EPB41L2: variants seen among roughly 807,000 people sequenced by gnomAD.
EPB41L2 encodes the protein erythrocyte membrane protein band 4.1 like 2, also known as band 4.1-like protein 2.
Under a neutral mutation model 113.0 loss-of-function variants are expected in EPB41L2, and 43 were observed. The observed-to-expected ratio is 0.38, with a 90% confidence interval of 0.30 to 0.49. The LOEUF is 0.49. EPB41L2 is among the 20% of genes least tolerant of loss of function. The pLI is 0.95. For synonymous variants in EPB41L2, 442 were observed against 436.7 expected (o/e 1.01, Z -0.15); for missense variants, 1,147 against 1,223.4 (o/e 0.94, Z 0.93).
rs1490075961 is a variant in EPB41L2, at chr6:130,956,490, A to G, written c.-5T>C. On this transcript the variant is annotated 5_prime_UTR_variant, in exon 2 of 20. Coordinates refer to ENST00000337057, the MANE Select transcript of EPB41L2 (RefSeq NM_001431.4). ...AGAGCCTACTTCAGTAGTCATGGCCACAGCTTATGCTGTAATCAAAACAAA... is the reference window on the plus strand; with the variant it reads ...AGAGCCTACTTCAGTAGTCATGGCCGCAGCTTATGCTGTAATCAAAACAAA... 1 of 1,608,304 alleles carries G rather than the reference A, an allele frequency of 6.2e-7. No individual in the cohort carries two copies. Among genetic ancestry groups the G allele is most frequent in the African/African-American group, 1.3e-5 (1 of 74,600 alleles).
At chr6:130,971,584 C>T (rs1369342249) in intron 1 of EPB41L2, among the ~76,000 whole-genome samples, 1 of 152,190 alleles carries the variant, frequency 6.6e-6, no homozygotes, top group Admixed American at 6.5e-5. Flanking sequence ...AGCCACTGGG[C>T]AAATGGATAA....
chr6:131,057,058 T>C (rs1249713283), intron 1 of EPB41L2, among the ~76,000 whole-genome samples: 1 of 151,572 alleles, frequency 6.6e-6, no homozygotes, highest in Non-Finnish European at 1.5e-5. Context: ...TGCAATAGGG[T>C]GAAAAAATTA....
chr6:130,870,279 G>A (rs954246754), intron 14 of EPB41L2, 153 bp from the exon 15 acceptor site: 2 of 1,545,668 alleles, frequency 1.3e-6, no homozygotes, highest in Admixed American at 2.0e-5. Flanking sequence ...AAACGTGAGG[G>A]CAATGAGAAA....
At chr6:131,033,046 T>C (rs1792536777) in intron 1 of EPB41L2, among the ~76,000 whole-genome samples, 1 of 152,062 alleles carries the variant, frequency 6.6e-6, no homozygotes, top group Non-Finnish European at 1.5e-5. Flanking sequence ...TGGCTAATTT[T>C]TGTAGTTTTA....
At chr6:131,012,079 C>T (rs1328421330) in intron 1 of EPB41L2, among the ~76,000 whole-genome samples, 2 of 151,890 alleles carry the variant, frequency 1.3e-5, no homozygotes, top group Admixed American at 1.3e-4. Flanking sequence ...GTGGCACGCA[C>T]CTGTAGTCCC....
chr6:130,880,055 G>A (rs1475911893), intron 13 of EPB41L2, 89 bp downstream of exon 13: 4 of 947,054 alleles, frequency 4.2e-6, no homozygotes, highest in Non-Finnish European at 6.6e-6. Flanking sequence ...CGTGCTTGAA[G>A]AACATTGCCA....
rs371059935 is a variant in EPB41L2, at chr6:130,925,342, C to G, written c.810+1263G>C. Among the ~76,000 whole-genome samples the G allele has an allele frequency of 2.6e-4, 40 of 152,030 alleles. No homozygotes were observed. The South Asian group carries it at 4.0e-3, about 15-fold the overall frequency. ...TAGCTGAGATTACAGGTGCCCACCACCATGCCCGGCTAATTTTTGTATTTT... is the reference window on the plus strand; with the variant it reads ...TAGCTGAGATTACAGGTGCCCACCAGCATGCCCGGCTAATTTTTGTATTTT... On this transcript the variant is annotated intron_variant, in intron 4 of 19. Transcript: ENST00000337057.
intron 1 of EPB41L2, among the ~76,000 whole-genome samples, chr6:131,036,874 T>C (rs1793426350): frequency 6.6e-6 from 1 of 152,210 alleles, no homozygotes; most frequent in Non-Finnish European, 1.5e-5. Context: ...ACAGCCAGGA[T>C]AAGCGTACTT....
intron 4 of EPB41L2, among the ~76,000 whole-genome samples, chr6:130,925,276 C>T (rs1244328792): frequency 6.9e-6 from 1 of 145,480 alleles, no homozygotes; most frequent in Non-Finnish European, 1.5e-5. Context: ...GCAACCTTTG[C>T]CTCCTGGGTT....
At chr6:130,887,648 C>T (rs1184239226) in intron 11 of EPB41L2, among the ~76,000 whole-genome samples, 2 of 152,182 alleles carry the variant, frequency 1.3e-5, no homozygotes, top group Non-Finnish European at 2.9e-5. Flanking sequence ...TCATCGTTGC[C>T]GCCTCTGCTA....
At chr6:130,935,602 A>G (rs895975846) in intron 3 of EPB41L2, among the ~76,000 whole-genome samples, 1 of 152,270 alleles carries the variant, frequency 6.6e-6, no homozygotes, top group Non-Finnish European at 1.5e-5. Context: ...CACTGTCAAT[A>G]ACAGTTGAAG....
At chr6:130,896,207 T>C (rs915205845) in intron 8 of EPB41L2, among the ~76,000 whole-genome samples, 2 of 152,252 alleles carry the variant, frequency 1.3e-5, no homozygotes, top group African/African-American at 4.8e-5. Flanking sequence ...AGCTAATTGA[T>C]GCCAGTTGCT....
At chr6:131,061,441 T>C (rs917981363) in intron 1 of EPB41L2, among the ~76,000 whole-genome samples, 4 of 152,180 alleles carry the variant, frequency 2.6e-5, no homozygotes, top group African/African-American at 9.7e-5. Context: ...CTCTGACAGG[T>C]GACACAGCAT....
At chr6:131,037,159 A>C (rs1793492465) in intron 1 of EPB41L2, among the ~76,000 whole-genome samples, 1 of 152,224 alleles carries the variant, frequency 6.6e-6, no homozygotes, top group Non-Finnish European at 1.5e-5. Context: ...CTTTATTACA[A>C]CTTTCATTTC....
chr6:131,019,777 G>A (rs1391503898), intron 1 of EPB41L2, among the ~76,000 whole-genome samples: 2 of 151,710 alleles, frequency 1.3e-5, no homozygotes, highest in African/African-American at 2.4e-5. Context: ...GTTTTACTGG[G>A]GCATTACATA....
intron 1 of EPB41L2, among the ~76,000 whole-genome samples, chr6:130,981,555 G>A (rs374187671): frequency 6.0e-4 from 92 of 152,164 alleles, no homozygotes; most frequent in African/African-American, 2.2e-3. Flanking sequence ...TTCCAGGGTG[G>A]GCCTTTAAGA....
chr6:131,037,483 A>C (rs1049872692), intron 1 of EPB41L2, among the ~76,000 whole-genome samples: 2 of 152,194 alleles, frequency 1.3e-5, no homozygotes, highest in African/African-American at 4.8e-5. Flanking sequence ...AATGCTTATA[A>C]AATGCTTTAA....
At chr6:130,969,057 T>C (rs548157038) in intron 1 of EPB41L2, among the ~76,000 whole-genome samples, 5 of 152,302 alleles carry the variant, frequency 3.3e-5, no homozygotes, top group East Asian at 1.9e-4. Flanking sequence ...TACTAAACTA[T>C]AGATCACCAA....
intron 14 of EPB41L2, 83 bp from the exon 15 acceptor site, chr6:130,870,209 A>G: frequency 6.5e-7 from 1 of 1,532,864 alleles, no homozygotes; most frequent in South Asian, 1.2e-5. Flanking sequence ...CCGATGGCAG[A>G]TTCATGTCAT....
Sources: gnomAD v4.1 joint callset for allele counts (sites outside exome capture counted in the v4.1 genomes callset) on GRCh38, gnomAD v4.1.1 for gene constraint, MANE v1.5 for transcripts, NCBI Gene and HGNC (gene_info 2026-07-23, HGNC 2026-07-21) for gene names.